DCC: variants seen among roughly 807,000 people sequenced by gnomAD.
DCC encodes netrin receptor DCC.
A neutral mutation model predicts 172.5 loss-of-function variants in DCC; 58 were observed. The ratio of observed to expected loss-of-function variants is 0.34; its 90% CI spans 0.27 to 0.42. The LOEUF is 0.42. Ranked by LOEUF, DCC falls within the 10% of genes least tolerant of loss-of-function variation. The pLI is 1.00. For synonymous variants in DCC, 709 were observed against 644.5 expected (o/e 1.10, Z -1.52); for missense variants, 1,740 against 1,791.0 (o/e 0.97, Z 0.51).
intron 7 of DCC, among the ~76,000 whole-genome samples, chr18:53,100,474 TAA>T (rs995819097): frequency 6.6e-6 from 1 of 151,376 alleles, no homozygotes; most frequent in Admixed American, 6.6e-5. Flanking sequence ...AGTGTTGAAG[TAA>T]AGTCAGAGAA....
In DCC at chr18:53,318,807, T is replaced by C. The variant is rs538836740; in HGVS notation, c.2054-3240T>C. 2.0e-3 allele frequency among the ~76,000 whole-genome samples: 294 copies of C among 146,356 alleles called. 1 individual carries two copies. Among genetic ancestry groups the C allele is most frequent in the Non-Finnish European group, 4.9e-4 (33 of 67,362 alleles). On this transcript the variant is annotated intron_variant, in intron 13 of 28. Coordinates refer to ENST00000442544, the MANE Select transcript of DCC (RefSeq NM_005215.4). Reference sequence around the variant, plus strand: ...AGAAAAGCAACCCCAAGATACATAATGGTCAGATTCACCAAGGTTAAAATG... The same window carrying C: ...AGAAAAGCAACCCCAAGATACATAACGGTCAGATTCACCAAGGTTAAAATG...
At chr18:53,365,543 A>C (rs188761900) in intron 15 of DCC, among the ~76,000 whole-genome samples, 1 of 152,074 alleles carries the variant, frequency 6.6e-6, no homozygotes, top group South Asian at 2.1e-4. Flanking sequence ...TTCATTACCA[A>C]ATTTAATGGT....
intron 1 of DCC, among the ~76,000 whole-genome samples, chr18:52,402,929 G>T (rs80336986): frequency 6.6e-6 from 1 of 151,984 alleles, no homozygotes; most frequent in African/African-American, 2.4e-5. Flanking sequence ...TATTAAAACA[G>T]TACAGTCAGT....
At position 52,920,502 on chromosome 18, in the gene DCC, C is replaced by T. The variant is rs960822062; in HGVS notation, c.698-3205C>T. Among the ~76,000 whole-genome samples, 11 of 151,978 alleles carry T rather than the reference C, an allele frequency of 7.2e-5. No individual in the cohort carries two copies. The East Asian group carries it at 1.2e-3, about 16-fold the overall frequency. ...AAAACATCTATTATATACCATTACA[C>T]GTGTATTAGAATGGCTAAAATACAA... On this transcript the variant is annotated intron_variant, in intron 3 of 28. Transcript: ENST00000442544.
At chr18:53,121,597 G>T (rs764955705) in intron 7 of DCC, among the ~76,000 whole-genome samples, 1 of 151,864 alleles carries the variant, frequency 6.6e-6, no homozygotes, top group Non-Finnish European at 1.5e-5. Flanking sequence ...AATGATACTT[G>T]TAAATCTATT....
At chr18:52,815,614 T>C (rs906581808) in intron 2 of DCC, among the ~76,000 whole-genome samples, 1 of 152,198 alleles carries the variant, frequency 6.6e-6, no homozygotes, top group African/African-American at 2.4e-5. Flanking sequence ...TTGAAGCCAC[T>C]CAGTTGCTAG....
intron 2 of DCC, among the ~76,000 whole-genome samples, chr18:52,773,225 T>C (rs2037371832): frequency 6.6e-6 from 1 of 152,218 alleles, no homozygotes; most frequent in Admixed American, 6.5e-5. Flanking sequence ...TTTAAGTTGG[T>C]TAGATATCAA....
chr18:52,602,882 A>C (rs1045693234), intron 1 of DCC, among the ~76,000 whole-genome samples: 2 of 152,094 alleles, frequency 1.3e-5, no homozygotes, highest in Non-Finnish European at 2.9e-5. Flanking sequence ...TTATTGTCAC[A>C]CTTAACCTGG....
intron 2 of DCC, among the ~76,000 whole-genome samples, chr18:52,776,021 C>T (rs1268441242): frequency 6.6e-6 from 1 of 152,172 alleles, no homozygotes; most frequent in Non-Finnish European, 1.5e-5. Flanking sequence ...ACTCACACTA[C>T]AGCAGAGTTG....
At chr18:52,794,559 T>A (rs2037836711) in intron 2 of DCC, among the ~76,000 whole-genome samples, 1 of 151,828 alleles carries the variant, frequency 6.6e-6, no homozygotes, top group South Asian at 2.1e-4. Flanking sequence ...GGTTTTTCTA[T>A]ACATAAGATA....
At chr18:52,902,180 GA>G (rs1296164892) in intron 2 of DCC, among the ~76,000 whole-genome samples, 1 of 152,162 alleles carries the variant, frequency 6.6e-6, no homozygotes, top group Non-Finnish European at 1.5e-5. Flanking sequence ...AAATGAACCT[GA>G]AAGGGACATA....
intron 14 of DCC, among the ~76,000 whole-genome samples, chr18:53,331,321 A>G (rs1409477472): frequency 6.6e-6 from 1 of 152,180 alleles, no homozygotes; most frequent in African/African-American, 2.4e-5. Context: ...TTAGCATACC[A>G]CTTGGCAAGG....
At chr18:52,669,530 G>A (rs889126801) in intron 1 of DCC, among the ~76,000 whole-genome samples, 2 of 152,194 alleles carry the variant, frequency 1.3e-5, no homozygotes, top group African/African-American at 4.8e-5. Flanking sequence ...GATGGAATTG[G>A]TTAGATTAGA....
At chr18:53,149,070 C>A (rs2043961109) in intron 7 of DCC, among the ~76,000 whole-genome samples, 1 of 151,836 alleles carries the variant, frequency 6.6e-6, no homozygotes. Context: ...ACCATCTTGG[C>A]CAGGCTAGTC....
At chr18:52,869,850 G>A (rs1374603599) in intron 2 of DCC, among the ~76,000 whole-genome samples, 3 of 150,910 alleles carry the variant, frequency 2.0e-5, no homozygotes, top group African/African-American at 4.8e-5. Context: ...GCCAGACGGA[G>A]AGAACAGACA....
rs1555710473 is a variant in DCC at position 52,656,004 on chromosome 18, A to ATATATATGTGTGTATATATATGTGCG, written c.92-96043_92-96042insGTGTGTATATATATGTGCGTATATAT. On this transcript the variant is annotated intron_variant, in intron 1 of 28. Transcript: ENST00000442544. ...TGTGTGTGTATATATATATGTGCGT[A>ATATATATGTGTGTATATATATGTGCG]TATATATATGTGTGTATATATATGT... Among the ~76,000 whole-genome samples the ATATATATGTGTGTATATATATGTGCG allele has an allele frequency of 6.9e-4, 69 of 99,960 alleles. 3 individuals are homozygous for ATATATATGTGTGTATATATATGTGCG. Among genetic ancestry groups the ATATATATGTGTGTATATATATGTGCG allele is most frequent in the Admixed American group, 1.2e-3 (11 of 8,894 alleles). The allele number at this position is 99,960 out of a possible 152,430, so 65.6% of individuals were successfully genotyped here. A position where few individuals can be genotyped will look rare whatever the true frequency, so the allele number is the denominator to read the frequency against.
intron 1 of DCC, among the ~76,000 whole-genome samples, chr18:52,524,377 A>T (rs749624274): frequency 3.3e-5 from 5 of 152,208 alleles, no homozygotes; most frequent in South Asian, 2.1e-4. Context: ...ATTATTTGCA[A>T]TGCTTCAAAC....
Position 53,530,994 on chromosome 18 carries a change from C to G in DCC, c.*341C>G. Reference sequence around the variant, plus strand: ...TACCTATGTTTTCCTTTGTCAAGGCCTGTTGTTTAATGTGTAGGTCTAGTC... The same window carrying G: ...TACCTATGTTTTCCTTTGTCAAGGCGTGTTGTTTAATGTGTAGGTCTAGTC... On this transcript the variant is annotated 3_prime_UTR_variant, in exon 29 of 29. Transcript: ENST00000442544. The G allele has an allele frequency of 2.5e-6, 1 of 401,614 alleles. No homozygotes were observed. Among genetic ancestry groups the G allele is most frequent in the Non-Finnish European group, 4.7e-6 (1 of 211,880 alleles). The allele number at this position is 401,614 out of a possible 1,614,324, so 24.9% of individuals were successfully genotyped here. A position where few individuals can be genotyped will look rare whatever the true frequency, so the allele number is the denominator to read the frequency against.
intron 2 of DCC, among the ~76,000 whole-genome samples, chr18:52,774,509 G>C (rs1291816353): frequency 6.6e-6 from 1 of 152,214 alleles, no homozygotes; most frequent in Non-Finnish European, 1.5e-5. Flanking sequence ...TTACTCCCAA[G>C]GTAAAAGAAG....
Sources: allele counts gnomAD v4.1 joint callset (sites outside exome capture counted in the v4.1 genomes callset), GRCh38; gene constraint gnomAD v4.1.1; transcripts MANE v1.5; gene names NCBI Gene and HGNC (gene_info 2026-07-23, HGNC 2026-07-21).